The following PARP16 variants were observed in gnomAD, a reference collection of about 807,000 sequenced individuals.
The protein encoded by PARP16 is protein mono-ADP-ribosyltransferase PARP16.
PARP16 carries 31 observed loss-of-function variants against 35.0 expected under a neutral mutation model. The ratio of observed to expected loss-of-function variants is 0.88; its 90% CI spans 0.66 to 1.19. The LOEUF is 1.19. PARP16 is among the 50% of genes most tolerant of loss of function. The probability of loss-of-function intolerance (pLI) is 0.00; values close to 1 mark genes in which losing one functional copy is unlikely to be tolerated. For synonymous variants in PARP16, 162 were observed against 169.5 expected (o/e 0.96, Z 0.34); for missense variants, 424 against 411.2 (o/e 1.03, Z -0.27).
intron 3 of PARP16, 57 bp from the exon 4 acceptor site, chr15:65,263,377 C>G: frequency 7.1e-7 from 1 of 1,417,930 alleles, no homozygotes; most frequent in South Asian, 1.4e-5. Context: ...ACAGTTGGCA[C>G]GGCAAGACGA....
downstream of PARP16, among the ~76,000 whole-genome samples, chr15:65,256,923 C>T (rs1009093556): frequency 6.6e-6 from 1 of 152,206 alleles, no homozygotes. Context: ...ATGTGATTGA[C>T]GCTGAAATCA....
At chr15:65,276,954 C>T (rs1291694747) in intron 1 of PARP16, among the ~76,000 whole-genome samples, 2 of 150,806 alleles carry the variant, frequency 1.3e-5, no homozygotes, top group African/African-American at 4.9e-5. Context: ...TGCACTCCAA[C>T]CTGGGCAACA....
downstream of PARP16, among the ~76,000 whole-genome samples, chr15:65,232,267 G>GT (rs1411634874): frequency 1.3e-5 from 2 of 152,108 alleles, no homozygotes; most frequent in Non-Finnish European, 2.9e-5. Flanking sequence ...CCAATTTTAG[G>GT]TTTTTTAGAC....
At chr15:65,281,189 T>G (rs1041602380) in intron 1 of PARP16, among the ~76,000 whole-genome samples, 33 of 152,128 alleles carry the variant, frequency 2.2e-4, no homozygotes, top group African/African-American at 8.0e-4. Context: ...CTGTGTCAAG[T>G]GACAAACCTG....
At chr15:65,283,020 C>T (rs944970836) in intron 1 of PARP16, among the ~76,000 whole-genome samples, 3 of 152,150 alleles carry the variant, frequency 2.0e-5, no homozygotes, top group Admixed American at 6.6e-5. Context: ...ACTCCACAAG[C>T]CCCTTTGCAT....
intron 1 of PARP16, among the ~76,000 whole-genome samples, chr15:65,284,337 C>CTTTTTTTTT (rs34254507): frequency 4.5e-5 from 3 of 67,034 alleles, no homozygotes; most frequent in African/African-American, 5.5e-5. Context: ...TTTCTTTCCT[C>CTTTTTTTTT]TTTTTTTTTT....
intron 1 of PARP16, among the ~76,000 whole-genome samples, chr15:65,271,469 T>TGAAACCCCA (rs2090093111): frequency 6.6e-6 from 1 of 152,020 alleles, no homozygotes; most frequent in Non-Finnish European, 1.5e-5. Flanking sequence ...GAGATGGGGT[T>TGAAACCCCA]TCACCATGTT....
chr15:65,267,007 C>T (rs550149380), intron 2 of PARP16, among the ~76,000 whole-genome samples: 11 of 151,968 alleles, frequency 7.2e-5, no homozygotes, highest in Non-Finnish European at 1.6e-4. Context: ...TTTGGGAGGC[C>T]GAGGCAGGTG....
At chr15:65,271,396 C>T (rs1049951200) in intron 1 of PARP16, among the ~76,000 whole-genome samples, 1 of 152,082 alleles carries the variant, frequency 6.6e-6, no homozygotes, top group African/African-American at 2.4e-5. Context: ...ACCTCAGCCT[C>T]CCGAGTAGCT....
chr15:65,250,834 AAC>A (rs753453089), intron 2 of PARP16, among the ~76,000 whole-genome samples: 7 of 151,996 alleles, frequency 4.6e-5, no homozygotes, highest in African/African-American at 7.2e-5. Flanking sequence ...AAGGCCCCAA[AAC>A]ACAGTGGCGC....
At chr15:65,270,636 A>AT (rs1219014035) in intron 2 of PARP16, among the ~76,000 whole-genome samples, 2 of 152,208 alleles carry the variant, frequency 1.3e-5, no homozygotes, top group African/African-American at 4.8e-5. Context: ...TGATGGAAGT[A>AT]TACTATTATC....
At chr15:65,278,172 C>T (rs557265155) in intron 1 of PARP16, among the ~76,000 whole-genome samples, 1 of 152,106 alleles carries the variant, frequency 6.6e-6, no homozygotes, top group African/African-American at 2.4e-5. Context: ...AACGGGAGCC[C>T]GGGAAAGAGT....
In PARP16 at chr15:65,286,723, T is replaced by G. The variant is rs2090612117; in HGVS notation, c.-297A>C. On this transcript the variant is annotated 5_prime_UTR_variant, in exon 1 of 6. Coordinates refer to ENST00000649807, the MANE Select transcript of PARP16 (RefSeq NM_001316943.2). Reference sequence around the variant, plus strand: ...ACTGGGGCTGGTGGGGGGGAGGGGTTCCCGGCCTAGGGGAAGGGCTATGAC... The same window carrying G: ...ACTGGGGCTGGTGGGGGGGAGGGGTGCCCGGCCTAGGGGAAGGGCTATGAC... The G allele has an allele frequency of 2.2e-5, 8 of 364,646 alleles. No individual in the cohort carries two copies. Among genetic ancestry groups the G allele is most frequent in the Non-Finnish European group, 2.5e-5 (5 of 202,050 alleles). 22.6% of individuals were successfully genotyped at this position (364,646 alleles called of 1,614,324 possible).
At chr15:65,256,834 G>A (rs770900099), downstream of PARP16, among the ~76,000 whole-genome samples, 72 of 152,268 alleles carry the variant, frequency 4.7e-4, no homozygotes, top group Non-Finnish European at 8.7e-4. Flanking sequence ...GTCTTTGCAT[G>A]TGCTGTTCCT....
At chr15:65,283,806 G>GT in intron 1 of PARP16, among the ~76,000 whole-genome samples, 1 of 152,336 alleles carries the variant, frequency 6.6e-6, no homozygotes, top group East Asian at 1.9e-4. Context: ...CACTCCATAA[G>GT]TATCTGTTGC....
intron 2 of PARP16, among the ~76,000 whole-genome samples, chr15:65,269,487 C>T (rs1163937416): frequency 1.3e-5 from 2 of 152,186 alleles, no homozygotes; most frequent in African/African-American, 4.8e-5. Context: ...TGAGCTACCG[C>T]ACCCAGCCAG....
chr15:65,284,622 G>A (rs1006575646), intron 1 of PARP16, among the ~76,000 whole-genome samples: 2 of 150,418 alleles, frequency 1.3e-5, no homozygotes, highest in African/African-American at 2.4e-5. Flanking sequence ...CACCGCACTC[G>A]GCCTATAATT....
At position 65,285,711 on chromosome 15, in the gene PARP16, T is replaced by C. The variant is rs138326372; in HGVS notation, c.174+542A>G. ...CAAACATTTGGATTATAAGGATAAC[T>C]GATATCTTGAATGCTGACCCAGAGG... On this transcript the variant is annotated intron_variant, in intron 1 of 5. Coordinates refer to ENST00000649807, the MANE Select transcript of PARP16 (RefSeq NM_001316943.2). 647 of 181,568 alleles carry C rather than the reference T, an allele frequency of 3.6e-3. 5 individuals carry two copies. Among genetic ancestry groups the C allele is most frequent in the African/African-American group, 0.014 (593 of 41,864 alleles). The allele number at this position is 181,568 out of a possible 1,614,324, so 11.2% of individuals were successfully genotyped here.
intron 2 of PARP16, among the ~76,000 whole-genome samples, chr15:65,268,762 CT>C (rs1034661430): frequency 4.7e-5 from 7 of 148,808 alleles, no homozygotes; most frequent in South Asian, 2.1e-4. Context: ...GTGGTTTTTT[CT>C]TTTTTTTTTG....
Sources: gnomAD v4.1 joint callset for allele counts (sites outside exome capture counted in the v4.1 genomes callset) on GRCh38, gnomAD v4.1.1 for gene constraint, MANE v1.5 for transcripts, NCBI Gene and HGNC (gene_info 2026-07-23, HGNC 2026-07-21) for gene names.